Variants in TNK2 observed in about 807,000 individuals in gnomAD.
TNK2 encodes activated CDC42 kinase 1.
A neutral mutation model predicts 101.8 loss-of-function variants in TNK2; 83 were observed. The observed-to-expected ratio is 0.82, with a 90% CI of 0.68 to 0.98. The LOEUF (loss-of-function observed/expected upper bound fraction) is 0.98. TNK2 is among the 50% of genes least tolerant of loss of function. The pLI is 0.00. For synonymous variants in TNK2, 804 were observed against 633.0 expected, an observed-to-expected ratio of 1.27 and a Z score of -4.06; for missense variants, 1,665 against 1,483.2, an observed-to-expected ratio of 1.12 and a Z score of -2.01.
chr3:195,887,781 GCGTGTGTGTACATGTGTGTATGC>G (rs1221536663), intron 2 of TNK2, among the ~76,000 whole-genome samples: 4 of 126,776 alleles, frequency 3.2e-5, no homozygotes, highest in Non-Finnish European at 6.4e-5. Flanking sequence ...GCGTCTGCGC[GCGTGTGTGTACATGTGTGTATGC>G]CGTGCGTGTG....
intron 1 of TNK2, among the ~76,000 whole-genome samples, chr3:195,891,664 C>T (rs9854951): frequency 6.6e-6 from 1 of 152,012 alleles, no homozygotes; most frequent in Non-Finnish European, 1.5e-5. Context: ...TGACCCCCCC[C>T]CTCCAGGGCT....
chr3:195,887,192 G>A, intron 2 of TNK2, 145 bp from the exon 3 acceptor site: 1 of 768,734 alleles, frequency 1.3e-6, no homozygotes, highest in Non-Finnish European at 2.1e-6. Flanking sequence ...CTAACCCGGA[G>A]CCTCAACTGA....
chr3:195,866,789 C>A, intron 15 of TNK2, 100 bp downstream of exon 15: 2 of 1,491,580 alleles, frequency 1.3e-6, no homozygotes, highest in Non-Finnish European at 1.8e-6. Flanking sequence ...TCTCCCTGGC[C>A]GGGAGCGGCC....
intron 14 of TNK2, 68 bp downstream of exon 14, chr3:195,867,101 G>C (rs1009841855): frequency 1.2e-6 from 2 of 1,607,274 alleles, no homozygotes; most frequent in African/African-American, 2.7e-5. Flanking sequence ...CAGGGGGCGT[G>C]GGGCTGGGGG....
In TNK2 at chr3:195,885,062, G is replaced by C; in HGVS notation, c.235-29C>G. On this transcript the variant is annotated intron_variant, in intron 3 of 15. Transcript: ENST00000672887. This position sits in a 1 kb window ranked among gnomAD's most constrained non-coding sequence, Gnocchi z 4.7. ...TTTGAAGGCAGCCGGGGGCCAGATG[G>C]AATCCAACACCCCAGGGTCAGTCAC... 6.4e-7 allele frequency: 1 copy of C among 1,557,400 alleles called. No homozygotes were observed. The highest frequency in any genetic ancestry group is 8.7e-7 in the Non-Finnish European group (1 of 1,147,564).
chr3:195,904,262 T>TAA (rs35186478), intron 1 of TNK2, among the ~76,000 whole-genome samples: 1,927 of 125,282 alleles, frequency 0.015, 66 homozygotes, highest in African/African-American at 0.054. Flanking sequence ...ACCTTGTCTT[T>TAA]AAAAAAAAAA....
intron 9 of TNK2, chr3:195,876,530 G>A (rs1431942262): frequency 4.4e-6 from 2 of 456,730 alleles, no homozygotes; most frequent in South Asian, 3.1e-5. Context: ...AGGGGGCAGA[G>A]TCAAGCTCTG....
chr3:195,871,626 G>A (rs919492809), intron 10 of TNK2, among the ~76,000 whole-genome samples: 1 of 152,118 alleles, frequency 6.6e-6, no homozygotes, highest in Non-Finnish European at 1.5e-5. Context: ...TTTTCCTAAG[G>A]CCCGAGTACC....
chr3:195,877,851 G>A (rs1056551140), intron 9 of TNK2, among the ~76,000 whole-genome samples: 2 of 152,170 alleles, frequency 1.3e-5, no homozygotes, highest in Admixed American at 6.5e-5. Flanking sequence ...AGGCTGGGCT[G>A]CTTCAGCTAC....
chr3:195,874,065 G>A (rs190155521), intron 9 of TNK2, among the ~76,000 whole-genome samples: 88 of 152,294 alleles, frequency 5.8e-4, no homozygotes, highest in African/African-American at 1.9e-3. Context: ...CTCCCACGGC[G>A]GCCCGTAGAG....
At chr3:195,887,094 C>T (rs987865601) in intron 2 of TNK2, 47 bp from the exon 3 acceptor site, 24 of 1,598,176 alleles carry the variant, frequency 1.5e-5, no homozygotes, top group Non-Finnish European at 2.0e-5. Flanking sequence ...CGCCGTAGCC[C>T]GAGAGAGGCT....
chr3:195,903,348 C>A (rs577912863), intron 1 of TNK2, among the ~76,000 whole-genome samples: 11 of 152,274 alleles, frequency 7.2e-5, no homozygotes, highest in Non-Finnish European at 1.2e-4. Flanking sequence ...CCAGCTAACA[C>A]CACTCTTAAT....
chr3:195,895,467 C>G (rs745725400), intron 1 of TNK2: 1 of 1,382,996 alleles, frequency 7.2e-7, no homozygotes, highest in Non-Finnish European at 9.4e-7. Context: ...TAGCCTCATC[C>G]GCCATCGGCC....
rs763273564 is a variant in TNK2 at position 195,868,048 on chromosome 3, G to A, written c.2250C>T (p.Asp750=). Residue 750 remains aspartate, a synonymous_variant, in exon 13 of 16, where the codon GAC becomes GAT. Coordinates refer to ENST00000672887, the MANE Select transcript of TNK2 (RefSeq NM_001382273.1). ...GTACCCGAGGAGGCACCTGGGGCTTGTCGTCACCCCCCGGGCTGGGAGAGG... is the reference window on the plus strand; with the variant it reads ...GTACCCGAGGAGGCACCTGGGGCTTATCGTCACCCCCCGGGCTGGGAGAGG... ...PAPSPSPGGD[D]KPQVPPRVPI... The A allele has an allele frequency of 6.3e-7, 1 of 1,598,034 alleles. No individual in the cohort carries two copies. The highest frequency in any genetic ancestry group is 1.7e-5 in the Admixed American group (1 of 58,328).
At position 195,883,218 on chromosome 3, in the gene TNK2, G is replaced by A. The variant is rs377632238; in HGVS notation, c.548C>T (p.Ser183Leu). ...DFIREVNAMH[S>L]LDHRNLIRLY... ...GCGGATGAGGTTTCGGTGGTCGAGC[G>A]AGTGCATGGCATTGACCTCCCGGAT... The change falls in exon 5 of 16, where the codon TCG becomes TTG. Residue 183 changes from serine to leucine, a missense_variant. By Grantham distance (145) the Ser-to-Leu change is moderately radical. This residue lies in a region of TNK2 where 490 missense variants were observed against 522.5 expected (regional missense o/e 0.94). Coordinates refer to ENST00000672887, the MANE Select transcript of TNK2 (RefSeq NM_001382273.1). 33 of 1,611,528 alleles carry A rather than the reference G, an allele frequency of 2.0e-5. No homozygotes were observed. Among genetic ancestry groups the A allele is most frequent in the Middle Eastern group, 1.6e-4 (1 of 6,062 alleles).
intron 1 of TNK2, chr3:195,896,320 C>T (rs1264619147): frequency 3.1e-6 from 1 of 318,106 alleles, no homozygotes; most frequent in Admixed American, 4.4e-5. Flanking sequence ...AGAGGAGAGA[C>T]AGATGCTGTG....
intron 6 of TNK2, among the ~76,000 whole-genome samples, chr3:195,881,689 C>T (rs1270084509): frequency 1.3e-4 from 15 of 112,428 alleles, no homozygotes; most frequent in African/African-American, 5.0e-4. Context: ...CCCTATAACA[C>T]CCCCCCGCCA....
intron 9 of TNK2, chr3:195,876,687 C>G (rs1749517619): frequency 2.2e-6 from 1 of 453,316 alleles, no homozygotes; most frequent in African/African-American, 2.0e-5. Flanking sequence ...GGAAGGAGCC[C>G]CCAGAGCCCC....
At chr3:195,890,599 C>T (rs182810036) in intron 1 of TNK2, among the ~76,000 whole-genome samples, 8 of 151,974 alleles carry the variant, frequency 5.3e-5, no homozygotes, top group Admixed American at 1.3e-4. Flanking sequence ...CACAGGCGCC[C>T]GGCTAATTTT....
Sources: gnomAD v4.1 joint callset for allele counts (sites outside exome capture counted in the v4.1 genomes callset) on GRCh38, gnomAD v4.1.1 for gene constraint, gnomAD v4.1.1 regional missense constraint, Gnocchi (gnomAD v3.1) non-coding constraint, MANE v1.5 for transcripts, NCBI Gene and HGNC (gene_info 2026-07-23, HGNC 2026-07-21) for gene names.